The following CETP variants were observed in gnomAD, a reference collection of about 807,000 sequenced individuals.
CETP encodes the protein cholesteryl ester transfer protein, also known as BPI fold containing family F.
In CETP, 56 loss-of-function variants were observed where a neutral mutation model predicts 66.5. The observed-to-expected ratio is 0.84, with a 90% confidence interval of 0.68 to 1.05. The LOEUF (loss-of-function observed/expected upper bound fraction) is 1.05, where lower values mean the gene tolerates loss of function less well. Among genes scored for constraint, CETP ranks in the 50% least tolerant of loss-of-function variants. The probability of loss-of-function intolerance (pLI) is 0.00; values close to 1 mark genes in which losing one functional copy is unlikely to be tolerated. For synonymous variants in CETP, 251 were observed against 245.7 expected, an observed-to-expected ratio of 1.02 and a Z score of -0.20; for missense variants, 612 against 609.6, an observed-to-expected ratio of 1.00 and a Z score of -0.04.
Position 56,964,002 on chromosome 16 carries a change from ATTTATTTATTTATTTATTTATTTAT to A in CETP, c.233+881_233+905del, listed in dbSNP as rs1169025615. Among the ~76,000 whole-genome samples, 277 of 83,658 alleles carry A rather than the reference ATTTATTTATTTATTTATTTATTTAT, an allele frequency of 3.3e-3. 2 individuals are homozygous for A. Among genetic ancestry groups the A allele is most frequent in the African/African-American group, 0.015 (264 of 17,174 alleles). The allele number at this position is 83,658 out of a possible 152,430, so 54.9% of individuals were successfully genotyped here. A position where few individuals can be genotyped will look rare whatever the true frequency, so the allele number is the denominator to read the frequency against. On this transcript the variant is annotated intron_variant, in intron 2 of 15. Transcript: ENST00000200676. ...ATCTTAATCTTTATTTTATTTATTT[ATTTATTTATTTATTTATTTATTTAT>A]TTATTTATTTATTTATTGAGATGGA...
intron 11 of CETP, 106 bp downstream of exon 11, chr16:56,978,361 A>G (rs1215561311): frequency 1.5e-6 from 2 of 1,340,972 alleles, no homozygotes; most frequent in East Asian, 4.6e-5. Context: ...CCTTCTCACC[A>G]CCTCTGCTGG....
At chr16:56,976,475 C>CT (rs566143469) in intron 10 of CETP, among the ~76,000 whole-genome samples, 333 of 143,672 alleles carry the variant, frequency 2.3e-3, no homozygotes, top group East Asian at 5.0e-3. Context: ...TCTTTTCTTT[C>CT]TTTTTTTTTT....
In CETP at chr16:56,961,953, C is replaced by T. The variant is rs748183484; in HGVS notation, c.-27C>T. The T allele has an allele frequency of 6.3e-7, 1 of 1,578,322 alleles. No homozygotes were observed. The highest frequency in any genetic ancestry group is 8.7e-7 in the Non-Finnish European group (1 of 1,148,034). On this transcript the variant is annotated 5_prime_UTR_variant, in exon 1 of 16. Coordinates refer to ENST00000200676, the MANE Select transcript of CETP (RefSeq NM_000078.3). ...CGGGCTCCAGGCTGAACGGCTCGGG[C>T]CACTTACACACCACTGCCTGATAAC...
rs201282006 is a variant in CETP at position 56,963,047 on chromosome 16, C to G, written c.156C>G (p.Phe52Leu). Residue 52 changes from phenylalanine to leucine, a missense_variant, in exon 2 of 16, where the codon TTC becomes TTG. Phe to Leu is a conservative substitution (Grantham distance 22). Transcript: ENST00000200676. ...HETAKVIQTA[F>L]QRASYPDITG... is the part of the protein sequence containing the mutation. ...CTGCCAAGGTGATCCAGACCGCCTT[C>G]CAGCGAGCCAGCTACCCAGATATCA... 1 of 1,614,190 alleles carries G rather than the reference C, an allele frequency of 6.2e-7. No individual in the cohort carries two copies. Among genetic ancestry groups the G allele is most frequent in the African/African-American group, 1.3e-5 (1 of 75,048 alleles).
At chr16:56,975,264 G>A (rs1326690027) in intron 10 of CETP, 113 bp downstream of exon 10, 38 of 897,072 alleles carry the variant, frequency 4.2e-5, no homozygotes, top group Non-Finnish European at 6.4e-5. Flanking sequence ...TTATAACAGC[G>A]AACACAGCTC....
Position 56,983,822 on chromosome 16 carries a change from G to A in CETP, c.*156G>A. On this transcript the variant is annotated 3_prime_UTR_variant, in exon 16 of 16. Coordinates refer to ENST00000200676, the MANE Select transcript of CETP (RefSeq NM_000078.3). Reference sequence around the variant, plus strand: ...CTCCTCCCTATCCTAAAGGCCCACTGGCATTAAAGTGCTGTATCCAAGAGC... The same window carrying A: ...CTCCTCCCTATCCTAAAGGCCCACTAGCATTAAAGTGCTGTATCCAAGAGC... The A allele has an allele frequency of 2.7e-6, 2 of 731,260 alleles. No homozygotes were observed. Among genetic ancestry groups the A allele is most frequent in the Non-Finnish European group, 4.9e-6 (2 of 408,054 alleles). The allele number at this position is 731,260 out of a possible 1,614,324, so 45.3% of individuals were successfully genotyped here.
rs552291657 is a variant in CETP, at chr16:56,969,761, A to C, written c.439+80A>C. 8.8e-6 allele frequency: 14 copies of C among 1,582,024 alleles called. No homozygotes were observed. In the South Asian group the frequency reaches 1.6e-4, roughly 18 times the overall value. ...CAGCAGAGGGGGAGGTTGTGCAGGC[A>C]GAGGGTTCTGGGGCCACCAAAGGAG... On this transcript the variant is annotated intron_variant, in intron 4 of 15. Transcript: ENST00000200676.
In CETP at chr16:56,983,330, C is replaced by G. The variant is rs549930343; in HGVS notation, c.1326C>G (p.Leu442=). ...GGGCTCTGTCCCCTGCCCCAGGGCT[C>G]GAGGTAGTGTTTACAGCCCTCATGA... ...AVGIPEVMSR[L]EVVFTALMNS... is the part of the protein sequence containing the mutation. The change falls in exon 15 of 16, where the codon CTC becomes CTG. Residue 442 remains leucine (L), a synonymous_variant. Coordinates refer to ENST00000200676, the MANE Select transcript of CETP (RefSeq NM_000078.3). The G allele has an allele frequency of 1.2e-6, 2 of 1,614,138 alleles. No individual in the cohort carries two copies. The highest frequency in any genetic ancestry group is 1.7e-6 in the Non-Finnish European group (2 of 1,179,968).
chr16:56,973,103 C>A (rs1330813268), intron 8 of CETP, among the ~76,000 whole-genome samples: 1 of 152,236 alleles, frequency 6.6e-6, no homozygotes, highest in Non-Finnish European at 1.5e-5. Flanking sequence ...AAGGCAGGAA[C>A]CACGTCTGTC....
In CETP at chr16:56,968,613, C is replaced by A. The variant is rs139669707; in HGVS notation, c.234-773C>A. Among the ~76,000 whole-genome samples the A allele has an allele frequency of 6.6e-3, 1,005 of 152,282 alleles. 7 individuals are homozygous for A. Among genetic ancestry groups the A allele is most frequent in the Non-Finnish European group, 0.011 (745 of 68,024 alleles). ...TGTCCATTTCATTTCATCTAGTTAA[C>A]CTCATTTGTTGACATACAATTGTTC... On this transcript the variant is annotated intron_variant, in intron 2 of 15. Transcript: ENST00000200676.
Position 56,969,240 on chromosome 16 carries a change from A to G in CETP, c.234-146A>G, listed in dbSNP as rs185048089. On this transcript the variant is annotated intron_variant, in intron 2 of 15. Coordinates refer to ENST00000200676, the MANE Select transcript of CETP (RefSeq NM_000078.3). ...GTACCCAGGGTTTGACATGTTGGGTAACATATTTGCAGGTTCTGTGGATTA... is the reference window on the plus strand; with the variant it reads ...GTACCCAGGGTTTGACATGTTGGGTGACATATTTGCAGGTTCTGTGGATTA... 699 of 1,027,372 alleles carry G rather than the reference A, an allele frequency of 6.8e-4. 4 individuals are homozygous for G. The African/African-American group carries it at 9.8e-3, about 14-fold the overall frequency. The allele number at this position is 1,027,372 out of a possible 1,614,324, so 63.6% of individuals were successfully genotyped here.
rs772630764 is a variant in CETP at position 56,981,633 on chromosome 16, C to CTT, written c.1215-9_1215-8dup. On this transcript the variant is annotated splice_polypyrimidine_tract_variant and intron_variant, in intron 12 of 15. Transcript: ENST00000200676. ...CCAATGGAGGGTCAAATTATCATCGCTTTTTTATTTCAGGATTACACCAAA... is the reference window on the plus strand; with the variant it reads ...CCAATGGAGGGTCAAATTATCATCGCTTTTTTTTATTTCAGGATTACACCAAA... 1 of 1,613,238 alleles carries CTT rather than the reference C, an allele frequency of 6.2e-7. No homozygotes were observed. Among genetic ancestry groups the CTT allele is most frequent in the Non-Finnish European group, 8.5e-7 (1 of 1,179,314 alleles).
intron 14 of CETP, among the ~76,000 whole-genome samples, chr16:56,982,781 G>A (rs1268260558): frequency 6.6e-6 from 1 of 152,212 alleles, no homozygotes; most frequent in Non-Finnish European, 1.5e-5. Context: ...AGTATGTTGA[G>A]CTGACTGTGC....
chr16:56,962,545 C>T (rs1445696930), intron 1 of CETP, among the ~76,000 whole-genome samples: 2 of 152,030 alleles, frequency 1.3e-5, no homozygotes, highest in African/African-American at 4.8e-5. Flanking sequence ...TTGGCCAGCT[C>T]CCCTGCCCTC....
At chr16:56,963,968 CCTTTATCTAT>C (rs1248020640) in intron 2 of CETP, among the ~76,000 whole-genome samples, 1 of 150,572 alleles carries the variant, frequency 6.6e-6, no homozygotes, top group Non-Finnish European at 1.5e-5. Flanking sequence ...CACGCCTGGC[CCTTTATCTAT>C]CTTAATCTTT....
At chr16:56,976,521 G>T (rs562637183) in intron 10 of CETP, among the ~76,000 whole-genome samples, 72 of 151,162 alleles carry the variant, frequency 4.8e-4, no homozygotes, top group Non-Finnish European at 6.2e-4. Flanking sequence ...GCCCAGGCTG[G>T]AGTGCAGTAG....
chr16:56,978,513 C>T (rs2056166409), intron 11 of CETP, among the ~76,000 whole-genome samples: 2 of 152,152 alleles, frequency 1.3e-5, no homozygotes. Flanking sequence ...CAGGGTCTCA[C>T]TCTGTCATCC....
chr16:56,966,419 G>A (rs754390752), intron 2 of CETP, among the ~76,000 whole-genome samples: 3 of 152,140 alleles, frequency 2.0e-5, no homozygotes, highest in African/African-American at 7.2e-5. Flanking sequence ...ATCTACCAGA[G>A]CTCAAGAACT....
chr16:56,965,548 C>T (rs1317327810), intron 2 of CETP, among the ~76,000 whole-genome samples: 1 of 152,178 alleles, frequency 6.6e-6, no homozygotes, highest in Non-Finnish European at 1.5e-5. Context: ...GCCACATAAG[C>T]TGTCTGAGCC....
Sources: allele counts gnomAD v4.1 joint callset (sites outside exome capture counted in the v4.1 genomes callset), GRCh38; gene constraint gnomAD v4.1.1; transcripts MANE v1.5; gene names NCBI Gene and HGNC (gene_info 2026-07-23, HGNC 2026-07-21).